The following RHO variants were observed in gnomAD, a reference collection of about 807,000 sequenced individuals.
The protein encoded by RHO is opsin 2, rod pigment.
RHO carries 21 observed loss-of-function variants against 31.2 expected under a neutral mutation model. The observed-to-expected ratio is 0.67, with a 90% CI of 0.48 to 0.97. The LOEUF (loss-of-function observed/expected upper bound fraction) is 0.97. Among genes scored for constraint, RHO ranks in the 50% least tolerant of loss-of-function variants. RHO has a pLI of 0.00. For missense variants in RHO, 414 were observed against 479.5 expected (o/e 0.86, Z 1.28); for synonymous variants, 211 against 196.6 (o/e 1.07, Z -0.61).
Position 129,532,886 on chromosome 3 carries a change from T to C in RHO, c.936+114T>C, listed in dbSNP as rs2084794662. 13 of 1,425,900 alleles carry C rather than the reference T, an allele frequency of 9.1e-6. No homozygotes were observed. The highest frequency in any genetic ancestry group is 1.3e-5 in the Non-Finnish European group (13 of 1,026,328). The allele number at this position is 1,425,900 out of a possible 1,614,324, so 88.3% of individuals were successfully genotyped here. A position where few individuals can be genotyped will look rare whatever the true frequency, so the allele number is the denominator to read the frequency against. On this transcript the variant is annotated intron_variant, in intron 4 of 4. Transcript: ENST00000296271. This position sits in a 1 kb window ranked among gnomAD's most constrained non-coding sequence, Gnocchi z 5.5. ...GCTCCATCAGGGTTACTGGCAGCAG[T>C]CTTGGGTCAGCAGTCCCAATGGGGA...
chr3:129,532,835 A>T lies in RHO; in HGVS notation c.936+63A>T. The T allele has an allele frequency of 6.2e-7, 1 of 1,607,014 alleles. No individual in the cohort carries two copies. The highest frequency in any genetic ancestry group is 8.5e-7 in the Non-Finnish European group (1 of 1,178,302). ...CCACAGGCGCTGCCTGCCAAGGACA[A>T]GCTACTTCCCAGGGCAGGGGAGGGG... On this transcript the variant is annotated intron_variant, in intron 4 of 4. Coordinates refer to ENST00000296271, the MANE Select transcript of RHO (RefSeq NM_000539.3). This position sits in a 1 kb window ranked among gnomAD's most constrained non-coding sequence, Gnocchi z 5.5.
At chr3:129,532,000 G>A (rs1188071105) in intron 2 of RHO, among the ~76,000 whole-genome samples, 3 of 152,170 alleles carry the variant, frequency 2.0e-5, no homozygotes, top group Non-Finnish European at 4.4e-5. Context: ...GCTGGGGCTG[G>A]GCATGCAGGG....
rs2084803393 is a variant in RHO, at chr3:129,533,892, G to C, written c.*174G>C. 1 of 570,526 alleles carries C rather than the reference G, an allele frequency of 1.8e-6. No individual in the cohort carries two copies. Among genetic ancestry groups the C allele is most frequent in the East Asian group, 2.9e-5 (1 of 34,280 alleles). The allele number at this position is 570,526 out of a possible 1,614,324, so 35.3% of individuals were successfully genotyped here. On this transcript the variant is annotated 3_prime_UTR_variant, in exon 5 of 5. Coordinates refer to ENST00000296271, the MANE Select transcript of RHO (RefSeq NM_000539.3). ...ATTAATGAGGCTCCTCACTCACCTG[G>C]GACAGCCTGAGAAGGGACATCCACC...
Position 129,532,641 on chromosome 3 carries a change from G to A in RHO, c.805G>A (p.Ala269Thr), listed in dbSNP as rs200894277. The A allele has an allele frequency of 4.3e-6, 7 of 1,614,246 alleles. No individual in the cohort carries two copies. The highest frequency in any genetic ancestry group is 1.6e-4 in the Middle Eastern group (1 of 6,062). ...IAFLICWVPY[A>T]SVAFYIFTHQ... Reference sequence around the variant, plus strand: ...TTTCCTGATCTGCTGGGTGCCCTACGCCAGCGTGGCATTCTACATCTTCAC... The same window carrying A: ...TTTCCTGATCTGCTGGGTGCCCTACACCAGCGTGGCATTCTACATCTTCAC... Residue 269 changes from alanine (A) to threonine (T), a missense_variant, in exon 4 of 5, where the codon GCC (alanine) becomes ACC (threonine). By Grantham distance (58) the Ala-to-Thr change is moderately conservative. Transcript: ENST00000296271. The surrounding 1 kb of genome is among the most constrained non-coding windows in gnomAD (Gnocchi z 5.5).
At chr3:129,529,135 G>A (rs1325971237) in intron 1 of RHO, 41 bp downstream of exon 1, 3 of 1,593,650 alleles carry the variant, frequency 1.9e-6, no homozygotes, top group Non-Finnish European at 2.6e-6. Context: ...GAGCCCGGGA[G>A]CATGGAGGGG....
At chr3:129,531,192 A>G (rs35822883) in intron 2 of RHO, 148 bp downstream of exon 2, 29,514 of 893,632 alleles carry the variant, frequency 0.033, 666 homozygotes, top group Non-Finnish European at 0.042. Context: ...GGTGTAGGGC[A>G]GAAGAAGAAA....
rs1192799558 is a variant in RHO, at chr3:129,532,827, C to T, written c.936+55C>T. ...GCCCCAGGCCACAGGCGCTGCCTGC[C>T]AAGGACAAGCTACTTCCCAGGGCAG... is the stretch of plus-strand genomic sequence containing the variant. On this transcript the variant is annotated intron_variant, in intron 4 of 4. Transcript: ENST00000296271. The surrounding 1 kb of genome is among the most constrained non-coding windows in gnomAD (Gnocchi z 5.5). The T allele has an allele frequency of 2.5e-6, 4 of 1,609,190 alleles. No homozygotes were observed. The highest frequency in any genetic ancestry group is 2.7e-5 in the African/African-American group (2 of 74,926).
chr3:129,533,042 C>G (rs1228269550), intron 4 of RHO, among the ~76,000 whole-genome samples: 1 of 152,070 alleles, frequency 6.6e-6, no homozygotes, highest in Non-Finnish European at 1.5e-5. Flanking sequence ...AAGCTCCAGT[C>G]AGCTAGTTCT....
At chr3:129,530,568 A>ACACACACACAC (rs1578279382) in intron 1 of RHO, among the ~76,000 whole-genome samples, 5 of 150,816 alleles carry the variant, frequency 3.3e-5, no homozygotes, top group South Asian at 4.2e-4. Flanking sequence ...ACACACACAC[A>ACACACACACAC]AAACTCCCTA....
At chr3:129,531,166 G>A (rs1337907729) in intron 2 of RHO, 122 bp downstream of exon 2, 27 of 1,136,036 alleles carry the variant, frequency 2.4e-5, no homozygotes, top group Middle Eastern at 2.8e-4. Flanking sequence ...TGGCCCAAAT[G>A]CCCACTCAGG....
At position 129,534,348 on chromosome 3, in the gene RHO, G is replaced by A. The variant is rs1259117244; in HGVS notation, c.*630G>A. ...TTCAGCACTTTGTAAATAGCAAGAA[G>A]CTGTACAGATTCTAGTTAATGTTGT... On this transcript the variant is annotated 3_prime_UTR_variant, in exon 5 of 5. Coordinates refer to ENST00000296271, the MANE Select transcript of RHO (RefSeq NM_000539.3). The A allele has an allele frequency of 6.5e-6, 1 of 153,092 alleles. No individual in the cohort carries two copies. The highest frequency in any genetic ancestry group is 1.5e-5 in the Non-Finnish European group (1 of 68,694). The allele number at this position is 153,092 out of a possible 1,614,324, so 9.5% of individuals were successfully genotyped here.
rs1056526280 is a variant in RHO at position 129,532,187 on chromosome 3, G to T, written c.531-64G>T. ...GAAGCCCCAGAAAGGGCCAGCGCTC[G>T]GCAGCCACCTTGGCTGTTCCCAAGT... On this transcript the variant is annotated intron_variant, in intron 2 of 4. Coordinates refer to ENST00000296271, the MANE Select transcript of RHO (RefSeq NM_000539.3). The surrounding 1 kb of genome is among the most constrained non-coding windows in gnomAD (Gnocchi z 5.5). The T allele has an allele frequency of 7.0e-7, 1 of 1,419,658 alleles. No homozygotes were observed. The highest frequency in any genetic ancestry group is 1.0e-6 in the Non-Finnish European group (1 of 1,004,098). The allele number at this position is 1,419,658 out of a possible 1,614,324, so 87.9% of individuals were successfully genotyped here.
In RHO at chr3:129,528,808, G is replaced by T. The variant is rs748211662; in HGVS notation, c.75G>T (p.Glu25Asp). ...CGGGTGTGGTACGCAGCCCCTTCGAGTACCCACAGTACTACCTGGCTGAGC... is the reference window on the plus strand; with the variant it reads ...CGGGTGTGGTACGCAGCCCCTTCGATTACCCACAGTACTACCTGGCTGAGC... ...NATGVVRSPF[E>D]YPQYYLAEPW... is the part of the protein sequence containing the mutation. The change falls in exon 1 of 5, where the codon GAG becomes GAT. Residue 25 changes from glutamate (E) to aspartate (D), a missense_variant. Glu to Asp is a conservative substitution (Grantham distance 45, BLOSUM62 2). Coordinates refer to ENST00000296271, the MANE Select transcript of RHO (RefSeq NM_000539.3). 5 of 1,614,074 alleles carry T rather than the reference G, an allele frequency of 3.1e-6. No homozygotes were observed. In the African/African-American group the frequency reaches 6.7e-5, roughly 22 times the overall value.
Position 129,533,637 on chromosome 3 carries a change from C to T in RHO, c.966C>T (p.Cys322=). The T allele has an allele frequency of 6.2e-7, 1 of 1,614,156 alleles. No homozygotes were observed. The highest frequency in any genetic ancestry group is 8.5e-7 in the Non-Finnish European group (1 of 1,179,996). ...QFRNCMLTTI[C]CGKNPLGDDE... ...GGAACTGCATGCTCACCACCATCTG[C>T]TGCGGCAAGAACCCACTGGGTGACG... Residue 322 remains cysteine, a synonymous_variant, in exon 5 of 5, where the codon TGC becomes TGT. Coordinates refer to ENST00000296271, the MANE Select transcript of RHO (RefSeq NM_000539.3).
At chr3:129,530,812 A>G in intron 1 of RHO, 64 bp from the exon 2 acceptor site, 1 of 1,603,356 alleles carries the variant, frequency 6.2e-7, no homozygotes, top group Non-Finnish European at 8.5e-7. Flanking sequence ...CTCCCTGTCT[A>G]GGGGGGAGTG....
Position 129,532,910 on chromosome 3 carries a change from G to C in RHO, c.936+138G>C. 1 of 1,152,366 alleles carries C rather than the reference G, an allele frequency of 8.7e-7. No homozygotes were observed. Among genetic ancestry groups the C allele is most frequent in the Non-Finnish European group, 1.3e-6 (1 of 789,332 alleles). The allele number at this position is 1,152,366 out of a possible 1,614,324, so 71.4% of individuals were successfully genotyped here. A position where few individuals can be genotyped will look rare whatever the true frequency, so the allele number is the denominator to read the frequency against. ...GTCTTGGGTCAGCAGTCCCAATGGGGAGTGTGTGAGAAATGCAGATTCCTG... is the reference window on the plus strand; with the variant it reads ...GTCTTGGGTCAGCAGTCCCAATGGGCAGTGTGTGAGAAATGCAGATTCCTG... On this transcript the variant is annotated intron_variant, in intron 4 of 4. Transcript: ENST00000296271. The surrounding 1 kb of genome is among the most constrained non-coding windows in gnomAD (Gnocchi z 5.5).
chr3:129,529,430 C>G (rs946853189), intron 1 of RHO, among the ~76,000 whole-genome samples: 1 of 152,244 alleles, frequency 6.6e-6, no homozygotes. Context: ...AGTTGGAAGC[C>G]CGCATCTATC....
chr3:129,529,381 G>A (rs1319249372), intron 1 of RHO, among the ~76,000 whole-genome samples: 5 of 152,260 alleles, frequency 3.3e-5, no homozygotes, highest in Non-Finnish European at 5.9e-5. Context: ...GAAGTCAAGC[G>A]CCCTGCTGGG....
At chr3:129,533,087 C>T (rs1006504273) in intron 4 of RHO, among the ~76,000 whole-genome samples, 15 of 152,066 alleles carry the variant, frequency 9.9e-5, no homozygotes, top group Admixed American at 6.5e-4. Context: ...GGACCCAAGT[C>T]GGGAATGGGA....
Sources: gnomAD v4.1 joint callset for allele counts (sites outside exome capture counted in the v4.1 genomes callset) on GRCh38, gnomAD v4.1.1 for gene constraint, Gnocchi (gnomAD v3.1) non-coding constraint, MANE v1.5 for transcripts, NCBI Gene and HGNC (gene_info 2026-07-23, HGNC 2026-07-21) for gene names.